Variants in BMP3 observed in about 807,000 individuals in gnomAD.
The protein encoded by BMP3 is bone morphogenetic protein 3.
BMP3 carries 23 observed loss-of-function variants against 38.1 expected under a neutral mutation model. That is an observed-to-expected ratio of 0.60 (90% confidence interval 0.43 to 0.86). The LOEUF is 0.86. BMP3 is among the 40% of genes least tolerant of loss of function. BMP3 has a pLI of 0.00. For synonymous variants in BMP3, 258 were observed against 225.7 expected (o/e 1.14, Z -1.28); for missense variants, 628 against 579.6 (o/e 1.08, Z -0.86).
chr4:81,040,425 G>A (rs933931574), intron 1 of BMP3, among the ~76,000 whole-genome samples: 2 of 152,102 alleles, frequency 1.3e-5, no homozygotes, highest in African/African-American at 4.8e-5. Flanking sequence ...CCCACAGATG[G>A]ATCTCACTAA....
At chr4:81,031,902 G>A (rs1465235584) in intron 1 of BMP3, among the ~76,000 whole-genome samples, 3 of 152,164 alleles carry the variant, frequency 2.0e-5, no homozygotes, top group Non-Finnish European at 2.9e-5. Flanking sequence ...CCCCATGCCT[G>A]TGAGGCCTCC....
rs5859748 is a variant in BMP3 at position 81,032,194 on chromosome 4, C to CAAAAAAAAAAAAAAAAAAA, written c.316+602_316+620dup. On this transcript the variant is annotated intron_variant, in intron 1 of 2. Coordinates refer to ENST00000282701, the MANE Select transcript of BMP3 (RefSeq NM_001201.5). ...ACTTTACTTGATAGTTCCTTAGTGG[C>CAAAAAAAAAAAAAAAAAAA]AAAAAAAAAAAAAAAAAAAAAAAAA... Among the ~76,000 whole-genome samples, 41 of 74,030 alleles carry CAAAAAAAAAAAAAAAAAAA rather than the reference C, an allele frequency of 5.5e-4. 7 individuals are homozygous for CAAAAAAAAAAAAAAAAAAA. The highest frequency in any genetic ancestry group is 2.0e-3 in the African/African-American group (41 of 20,688). 48.6% of individuals were successfully genotyped at this position (74,030 alleles called of 152,430 possible).
chr4:81,040,540 C>T (rs1201634443), intron 1 of BMP3, among the ~76,000 whole-genome samples: 1 of 152,202 alleles, frequency 6.6e-6, no homozygotes, highest in African/African-American at 2.4e-5. Context: ...AAGAAAAACC[C>T]TGATCTCTCC....
rs116467055 is a variant in BMP3, at chr4:81,038,987, A to G, written c.317-6751A>G. Among the ~76,000 whole-genome samples, 183 of 152,336 alleles carry G rather than the reference A, an allele frequency of 1.2e-3. 1 individual carries two copies. The highest frequency in any genetic ancestry group is 4.1e-3 in the African/African-American group (172 of 41,592). ...TCATCTTTGGCTGTTTTTACTTTGG[A>G]CATAGAGAATGGTTGTTTTGAGGTC... On this transcript the variant is annotated intron_variant, in intron 1 of 2. Transcript: ENST00000282701.
At chr4:81,045,475 T>G (rs1740204286) in intron 1 of BMP3, among the ~76,000 whole-genome samples, 3 of 152,200 alleles carry the variant, frequency 2.0e-5, no homozygotes, top group Admixed American at 2.0e-4. Context: ...GTCCAGTTTA[T>G]TTTATAAATT....
intron 2 of BMP3, among the ~76,000 whole-genome samples, chr4:81,050,523 T>G (rs1002595377): frequency 1.3e-5 from 2 of 152,114 alleles, no homozygotes; most frequent in African/African-American, 2.4e-5. Flanking sequence ...TTTGCTTTTT[T>G]TTTTTCAAGG....
At position 81,045,928 on chromosome 4, in the gene BMP3, C is replaced by G. The variant is rs1226873436; in HGVS notation, c.507C>G (p.Thr169=). Reference sequence around the variant, plus strand: ...TTCAGATTGATCTTTCTGCATGGACCCTCAAATTCAGCAGAAACCAAAGTC... The same window carrying G: ...TTCAGATTGATCTTTCTGCATGGACGCTCAAATTCAGCAGAAACCAAAGTC... The part of the protein sequence containing the change: ...KHIQIDLSAW[T]LKFSRNQSQL... Residue 169 remains threonine (T), a synonymous_variant, in exon 2 of 3, where the codon ACC becomes ACG. Coordinates refer to ENST00000282701, the MANE Select transcript of BMP3 (RefSeq NM_001201.5). 6.2e-7 allele frequency: 1 copy of G among 1,613,946 alleles called. No homozygotes were observed.
At chr4:81,048,316 G>T (rs1740315790) in intron 2 of BMP3, among the ~76,000 whole-genome samples, 5 of 152,212 alleles carry the variant, frequency 3.3e-5, no homozygotes, top group African/African-American at 1.2e-4. Context: ...TGAGAGGCAA[G>T]AATGGTTTCA....
intron 1 of BMP3, among the ~76,000 whole-genome samples, chr4:81,032,105 C>G (rs148599397): frequency 6.9e-6 from 1 of 144,490 alleles, no homozygotes; most frequent in Non-Finnish European, 1.5e-5. Context: ...CTTCCCCAGT[C>G]GCTTCTCCAG....
intron 1 of BMP3, among the ~76,000 whole-genome samples, chr4:81,036,784 G>T (rs1226486404): frequency 6.6e-6 from 1 of 151,970 alleles, no homozygotes; most frequent in Non-Finnish European, 1.5e-5. Context: ...ATATGTAACA[G>T]CCAATAAAAT....
rs1316674780 is a variant in BMP3 at position 81,030,777 on chromosome 4, A to G, written c.-508A>G. Among the ~76,000 whole-genome samples, 1 of 151,856 alleles carries G rather than the reference A, an allele frequency of 6.6e-6. No homozygotes were observed. The highest frequency in any genetic ancestry group is 1.5e-5 in the Non-Finnish European group (1 of 67,932). The stretch of plus-strand genomic sequence containing the variant: ...CGCGCGCACACACACACACACGTAC[A>G]CTAAAAAACTCGGACCAGCCGCGCC... On this transcript the variant is annotated 5_prime_UTR_variant, in exon 1 of 3. Coordinates refer to ENST00000282701, the MANE Select transcript of BMP3 (RefSeq NM_001201.5).
rs1420788410 is a variant in BMP3, at chr4:81,056,549, C to G, written c.*3013C>G. ...AATTCTTTTTCTCAATAACTGTTCT[C>G]TTGAATTCAAATTAAGGGACTGCCA... On this transcript the variant is annotated 3_prime_UTR_variant, in exon 3 of 3. Transcript: ENST00000282701. 1 of 152,462 alleles carries G rather than the reference C, an allele frequency of 6.6e-6. No homozygotes were observed. Among genetic ancestry groups the G allele is most frequent in the African/African-American group, 2.4e-5 (1 of 41,390 alleles). 9.4% of individuals were successfully genotyped at this position (152,462 alleles called of 1,614,324 possible). A position where few individuals can be genotyped will look rare whatever the true frequency, so the allele number is the denominator to read the frequency against.
At position 81,057,467 on chromosome 4, in the gene BMP3, TCA is replaced by T. The variant is rs955886072; in HGVS notation, c.*3932_*3933del. 4.6e-5 allele frequency: 7 copies of T among 152,118 alleles called. No individual in the cohort carries two copies. The highest frequency in any genetic ancestry group is 1.7e-4 in the African/African-American group (7 of 41,438). The allele number at this position is 152,118 out of a possible 1,614,324, so 9.4% of individuals were successfully genotyped here. On this transcript the variant is annotated 3_prime_UTR_variant, in exon 3 of 3. Coordinates refer to ENST00000282701, the MANE Select transcript of BMP3 (RefSeq NM_001201.5). ...ATGTATAAGCTTTGTTGAATTTGTA[TCA>T]TTTTCTTTCAGTAATGAAAAGCTAT...
chr4:81,048,359 T>C (rs1239732964), intron 2 of BMP3, among the ~76,000 whole-genome samples: 1 of 152,220 alleles, frequency 6.6e-6, no homozygotes, highest in Non-Finnish European at 1.5e-5. Context: ...TGACTGACTT[T>C]AGTTGGGTCT....
At chr4:81,032,452 T>C (rs1457867573) in intron 1 of BMP3, among the ~76,000 whole-genome samples, 1 of 152,206 alleles carries the variant, frequency 6.6e-6, no homozygotes, top group Non-Finnish European at 1.5e-5. Flanking sequence ...GAATAACTTA[T>C]GCTAACAGCC....
Position 81,031,226 on chromosome 4 carries a change from C to G in BMP3, c.-59C>G, listed in dbSNP as rs1578291624. 6.8e-7 allele frequency: 1 copy of G among 1,472,284 alleles called. No individual in the cohort carries two copies. Among genetic ancestry groups the G allele is most frequent in the Non-Finnish European group, 9.0e-7 (1 of 1,108,150 alleles). The allele number at this position is 1,472,284 out of a possible 1,614,324, so 91.2% of individuals were successfully genotyped here. A position where few individuals can be genotyped will look rare whatever the true frequency, so the allele number is the denominator to read the frequency against. On this transcript the variant is annotated 5_prime_UTR_variant, in exon 1 of 3. Transcript: ENST00000282701. ...CCTCGGCTCCGCCGCCGGCTCCTTG[C>G]GCCTTCGGAGTGTCCCGCAGCGACG...
chr4:81,031,048 C>T lies in BMP3; in HGVS notation c.-237C>T. 1.9e-6 allele frequency: 1 copy of T among 522,584 alleles called. No individual in the cohort carries two copies. Among genetic ancestry groups the T allele is most frequent in the Non-Finnish European group, 3.3e-6 (1 of 301,590 alleles). The allele number at this position is 522,584 out of a possible 1,614,324, so 32.4% of individuals were successfully genotyped here. A position where few individuals can be genotyped will look rare whatever the true frequency, so the allele number is the denominator to read the frequency against. On this transcript the variant is annotated 5_prime_UTR_variant, in exon 1 of 3. Transcript: ENST00000282701. ...GAGTGGAGACGGCGCCCGCAGCGCC[C>T]TGCGCGGGTGAGGTCCGCGCAGCTG...
chr4:81,038,600 C>A (rs1739982352), intron 1 of BMP3, among the ~76,000 whole-genome samples: 1 of 152,138 alleles, frequency 6.6e-6, no homozygotes, highest in South Asian at 2.1e-4. Flanking sequence ...ACTTCATATA[C>A]AATGATTATA....
In BMP3 at chr4:81,031,296, G is replaced by A; in HGVS notation, c.12G>A (p.Ala4=). Residue 4 remains alanine, a synonymous_variant, in exon 1 of 3, where the codon GCG becomes GCA. Transcript: ENST00000282701. The stretch of plus-strand genomic sequence containing the variant: ...GCGGGTACCTAGCCATGGCTGGGGC[G>A]AGCAGGCTGCTCTTTCTGTGGCTGG... MAG[A]SRLLFLWLGC... is the part of the protein sequence containing the mutation. 6.2e-7 allele frequency: 1 copy of A among 1,604,310 alleles called. No homozygotes were observed. Among genetic ancestry groups the A allele is most frequent in the South Asian group, 1.1e-5 (1 of 89,184 alleles).
Sources: gnomAD v4.1 joint callset for allele counts (sites outside exome capture counted in the v4.1 genomes callset) on GRCh38, gnomAD v4.1.1 for gene constraint, MANE v1.5 for transcripts, NCBI Gene and HGNC (gene_info 2026-07-23, HGNC 2026-07-21) for gene names.